AJAP1: variants seen among roughly 807,000 people sequenced by gnomAD.
The protein encoded by AJAP1 is adherens junctions associated protein 1.
AJAP1 carries 5 observed loss-of-function variants against 35.0 expected under a neutral mutation model. The observed-to-expected ratio is 0.14, with a 90% CI of 0.07 to 0.30. The LOEUF is 0.30. Ranked by LOEUF, AJAP1 falls within the 10% of genes least tolerant of loss-of-function variation. The pLI is 1.00. For synonymous variants in AJAP1, 284 were observed against 249.3 expected (o/e 1.14, Z -1.31); for missense variants, 586 against 571.0 (o/e 1.03, Z -0.27).
chr1:4,659,569 A>C (rs906874570), intron 1 of AJAP1, among the ~76,000 whole-genome samples: 1 of 152,178 alleles, frequency 6.6e-6, no homozygotes, highest in Non-Finnish European at 1.5e-5. Flanking sequence ...GAGGGTGTCC[A>C]TGTCAGACCT....
intron 2 of AJAP1, among the ~76,000 whole-genome samples, chr1:4,740,725 A>T (rs1156883415): frequency 7.2e-6 from 1 of 139,470 alleles, no homozygotes; most frequent in South Asian, 2.6e-4. Flanking sequence ...GGAGGAGCTT[A>T]CAGTGAGCCG....
intron 5 of AJAP1, among the ~76,000 whole-genome samples, chr1:4,778,929 C>T (rs1488035956): frequency 6.6e-6 from 1 of 152,188 alleles, no homozygotes; most frequent in Non-Finnish European, 1.5e-5. Context: ...CCGGGCCAGG[C>T]ACAGAACTGG....
chr1:4,778,732 G>C (rs950834963), intron 5 of AJAP1, among the ~76,000 whole-genome samples: 1 of 152,114 alleles, frequency 6.6e-6, no homozygotes, highest in African/African-American at 2.4e-5. Context: ...GGGATGTCTG[G>C]CATAGGCTGC....
At chr1:4,700,699 G>T (rs559817194) in intron 1 of AJAP1, among the ~76,000 whole-genome samples, 1 of 152,190 alleles carries the variant, frequency 6.6e-6, no homozygotes, top group Non-Finnish European at 1.5e-5. Flanking sequence ...AACTTTGTCC[G>T]CACACGCAGG....
Position 4,683,944 on chromosome 1 carries a change from G to A in AJAP1, c.30-27956G>A, listed in dbSNP as rs561802729. 5.3e-5 allele frequency among the ~76,000 whole-genome samples: 8 copies of A among 152,264 alleles called. No homozygotes were observed. In the East Asian group the frequency reaches 7.7e-4, roughly 15 times the overall value. On this transcript the variant is annotated intron_variant, in intron 1 of 5. Transcript: ENST00000378191. ...GGGCTTCCTAGGGAGCATCAGATGC[G>A]TAGGCATTCATAAGACACAGACACA...
Position 4,773,220 on chromosome 1 carries a change from G to A in AJAP1, c.1163+695G>A, listed in dbSNP as rs529930338. Among the ~76,000 whole-genome samples the A allele has an allele frequency of 6.6e-5, 10 of 152,256 alleles. No homozygotes were observed. The East Asian group carries it at 1.9e-3, about 29-fold the overall frequency. On this transcript the variant is annotated intron_variant, in intron 4 of 5. Transcript: ENST00000378191. ...TCCAACAACTTGAAGAAAGGAGGAG[G>A]CTGGGATCCATTGTGAGCAATAGAA...
chr1:4,701,100 G>C (rs1639976897), intron 1 of AJAP1, among the ~76,000 whole-genome samples: 1 of 152,230 alleles, frequency 6.6e-6, no homozygotes, highest in African/African-American at 2.4e-5. Context: ...CTATCCTTCA[G>C]TCTCCTCCAA....
intron 1 of AJAP1, among the ~76,000 whole-genome samples, chr1:4,688,791 A>T (rs1334334311): frequency 6.7e-6 from 1 of 150,240 alleles, no homozygotes; most frequent in Non-Finnish European, 1.5e-5. Context: ...AAAAAAAAAA[A>T]AAGAAAGGAT....
At chr1:4,694,995 G>A (rs113266872) in intron 1 of AJAP1, among the ~76,000 whole-genome samples, 3,558 of 152,242 alleles carry the variant, frequency 0.023, 141 homozygotes, top group African/African-American at 0.079. Context: ...GCTTGAGAAG[G>A]TGGTGGGGAG....
intron 2 of AJAP1, among the ~76,000 whole-genome samples, chr1:4,716,715 ATGATGATGG>A (rs1640400410): frequency 1.4e-5 from 2 of 146,196 alleles, no homozygotes; most frequent in Non-Finnish European, 3.0e-5. Flanking sequence ...TAGAGAGATG[ATGATGATGG>A]TGATGATGGA....
At chr1:4,659,322 T>C (rs1275156634) in intron 1 of AJAP1, among the ~76,000 whole-genome samples, 1 of 152,154 alleles carries the variant, frequency 6.6e-6, no homozygotes, top group East Asian at 1.9e-4. Flanking sequence ...AAGTCTGGCT[T>C]GAGAGGGTTT....
At chr1:4,661,934 C>T (rs936314135) in intron 1 of AJAP1, among the ~76,000 whole-genome samples, 1 of 152,098 alleles carries the variant, frequency 6.6e-6, no homozygotes, top group African/African-American at 2.4e-5. Context: ...TCCAAGGAGG[C>T]CTCTATCGAG....
intron 1 of AJAP1, among the ~76,000 whole-genome samples, chr1:4,681,514 T>C (rs969717521): frequency 4.6e-5 from 7 of 152,222 alleles, no homozygotes; most frequent in Non-Finnish European, 1.0e-4. Context: ...TCTGGGCTTC[T>C]GGCCTGCAGA....
intron 1 of AJAP1, among the ~76,000 whole-genome samples, chr1:4,681,680 T>C (rs1194564226): frequency 6.6e-6 from 1 of 152,208 alleles, no homozygotes; most frequent in Non-Finnish European, 1.5e-5. Context: ...TCAGAGGTAC[T>C]GGACAAAGCA....
At chr1:4,714,074 A>C (rs956882782) in intron 2 of AJAP1, among the ~76,000 whole-genome samples, 3 of 152,070 alleles carry the variant, frequency 2.0e-5, no homozygotes, top group African/African-American at 7.2e-5. Context: ...CCGGTGACCT[A>C]CTTTCTTCCT....
At chr1:4,730,624 G>T (rs1467185213) in intron 2 of AJAP1, among the ~76,000 whole-genome samples, 1 of 152,270 alleles carries the variant, frequency 6.6e-6, no homozygotes, top group East Asian at 1.9e-4. Context: ...CAAAGGCATT[G>T]TCCACCCCCA....
intron 2 of AJAP1, among the ~76,000 whole-genome samples, chr1:4,745,430 C>G (rs1557636879): frequency 6.6e-6 from 1 of 152,154 alleles, no homozygotes; most frequent in South Asian, 2.1e-4. Context: ...TGCCCTCCAT[C>G]CTGGAGGGCA....
At chr1:4,774,398 G>T (rs369216456) in intron 4 of AJAP1, 29 bp from the exon 5 acceptor site, 4 of 1,610,456 alleles carry the variant, frequency 2.5e-6, no homozygotes, top group East Asian at 4.5e-5. Context: ...GTACCAGCAC[G>T]CCAAAGCCCA....
chr1:4,666,278 T>C (rs1639116228), intron 1 of AJAP1, among the ~76,000 whole-genome samples: 1 of 151,748 alleles, frequency 6.6e-6, no homozygotes, highest in Non-Finnish European at 1.5e-5. Context: ...AGGGCAGGTG[T>C]ATTTGGGTCA....
Sources: gnomAD v4.1 joint callset for allele counts (sites outside exome capture counted in the v4.1 genomes callset) on GRCh38, gnomAD v4.1.1 for gene constraint, MANE v1.5 for transcripts, NCBI Gene and HGNC (gene_info 2026-07-23, HGNC 2026-07-21) for gene names.